Variants in NSL1 observed in about 807,000 individuals in gnomAD.
NSL1 encodes the protein kinetochore-associated protein NSL1 homolog.
NSL1 carries 11 observed loss-of-function variants against 25.4 expected under a neutral mutation model. The observed-to-expected ratio is 0.43, with a 90% confidence interval of 0.27 to 0.72. The LOEUF is 0.72. NSL1 is among the 30% of genes least tolerant of loss of function. NSL1 has a pLI of 0.19. For missense variants in NSL1, 330 were observed against 342.7 expected, an observed-to-expected ratio of 0.96 and a Z score of 0.29; for synonymous variants, 118 against 120.6, an observed-to-expected ratio of 0.98 and a Z score of 0.14.
intron 1 of NSL1, 127 bp downstream of exon 1, chr1:212,791,403 T>G: frequency 1.2e-6 from 1 of 829,906 alleles, no homozygotes; most frequent in Non-Finnish European, 2.0e-6. Context: ...TTTCTCGAAC[T>G]GGTTCTACAG....
Position 212,738,219 on chromosome 1 carries a change from A to G in NSL1, c.*189T>C. ...CTTTTTAAAATGCTTTTTATTTACAATAGATAAAACAGTAAGGAAATACAA... is the reference window on the plus strand; with the variant it reads ...CTTTTTAAAATGCTTTTTATTTACAGTAGATAAAACAGTAAGGAAATACAA... On this transcript the variant is annotated 3_prime_UTR_variant, in exon 6 of 6. Transcript: ENST00000366977. 1 of 1,333,388 alleles carries G rather than the reference A, an allele frequency of 7.5e-7. No homozygotes were observed. The highest frequency in any genetic ancestry group is 9.6e-7 in the Non-Finnish European group (1 of 1,045,132). The allele number at this position is 1,333,388 out of a possible 1,614,324, so 82.6% of individuals were successfully genotyped here.
chr1:212,750,501 A>G (rs940728221), intron 4 of NSL1, among the ~76,000 whole-genome samples: 4 of 152,180 alleles, frequency 2.6e-5, no homozygotes, highest in Non-Finnish European at 5.9e-5. Flanking sequence ...GCCAGTCCAG[A>G]CTGGAATAGG....
At chr1:212,748,840 C>T (rs550213853) in intron 4 of NSL1, among the ~76,000 whole-genome samples, 4 of 152,222 alleles carry the variant, frequency 2.6e-5, no homozygotes, top group Admixed American at 1.3e-4. Flanking sequence ...TCTTCAACCT[C>T]AATATATTTT....
chr1:212,779,917 C>A (rs1398660250), intron 4 of NSL1, among the ~76,000 whole-genome samples: 2 of 147,582 alleles, frequency 1.4e-5, no homozygotes, highest in East Asian at 2.1e-4. Context: ...CCACCCAGTC[C>A]GGGAGGTGAG....
intron 4 of NSL1, among the ~76,000 whole-genome samples, chr1:212,753,959 A>G (rs78572574): frequency 0.023 from 3,459 of 152,276 alleles, 61 homozygotes; most frequent in South Asian, 0.042. Flanking sequence ...AAACTTGGGC[A>G]AGGGGGCATG....
At chr1:212,738,872 C>T (rs1658364175) in intron 5 of NSL1, among the ~76,000 whole-genome samples, 186 bp from the exon 6 acceptor site, 1 of 152,068 alleles carries the variant, frequency 6.6e-6, no homozygotes. Flanking sequence ...AAGCAATTCA[C>T]CTGCCTCAGC....
chr1:212,770,355 T>C lies in NSL1; in HGVS notation c.499+12017A>G, dbSNP rs1660045166. 2.6e-5 allele frequency among the ~76,000 whole-genome samples: 4 copies of C among 151,828 alleles called. No homozygotes were observed. The South Asian group carries it at 8.3e-4, about 32-fold the overall frequency. On this transcript the variant is annotated intron_variant, in intron 4 of 5. Coordinates refer to ENST00000366977, the MANE Select transcript of NSL1 (RefSeq NM_015471.4). ...GGCATTATAACTGATACCACAGAAA[T>C]ATAAATGATCATCAGAGACTATTAA...
intron 4 of NSL1, among the ~76,000 whole-genome samples, chr1:212,774,151 T>C (rs868348880): frequency 6.6e-6 from 1 of 151,912 alleles, no homozygotes; most frequent in Non-Finnish European, 1.5e-5. Context: ...TACAGTTAGA[T>C]AGAAGAATAA....
intron 3 of NSL1, among the ~76,000 whole-genome samples, chr1:212,782,847 C>G (rs1660784472): frequency 6.6e-6 from 1 of 150,814 alleles, no homozygotes; most frequent in South Asian, 2.1e-4. Flanking sequence ...GGCTACATTA[C>G]CACCACACTA....
In NSL1 at chr1:212,729,234, T is replaced by A; in HGVS notation, c.*9174A>T. On this transcript the variant is annotated 3_prime_UTR_variant, in exon 6 of 6. Transcript: ENST00000366977. ...CTCAGGTTCCCTCTAGGAGCAGAAG[T>A]GCAGGTTTGCTTGGGCTCCTAGCCT... 4.1e-6 allele frequency: 4 copies of A among 985,454 alleles called. No individual in the cohort carries two copies. The highest frequency in any genetic ancestry group is 4.8e-6 in the Non-Finnish European group (4 of 829,944). 61.0% of individuals were successfully genotyped at this position (985,454 alleles called of 1,614,324 possible).
At chr1:212,779,011 C>G (rs981243099) in intron 4 of NSL1, among the ~76,000 whole-genome samples, 3 of 150,048 alleles carry the variant, frequency 2.0e-5, no homozygotes, top group African/African-American at 7.4e-5. Context: ...TCTGCCCGGC[C>G]GCCCATCGTC....
chr1:212,789,963 T>C (rs1268579630), intron 1 of NSL1, among the ~76,000 whole-genome samples: 2 of 152,132 alleles, frequency 1.3e-5, no homozygotes, highest in Non-Finnish European at 2.9e-5. Flanking sequence ...AGTCACTATA[T>C]ACAAAACTAC....
At chr1:212,777,338 C>T (rs1225952452) in intron 4 of NSL1, among the ~76,000 whole-genome samples, 1 of 151,918 alleles carries the variant, frequency 6.6e-6, no homozygotes. Context: ...GATCATACCA[C>T]TGCAGTTCAG....
chr1:212,741,377 C>A (rs1384958498), intron 4 of NSL1, among the ~76,000 whole-genome samples: 1 of 152,124 alleles, frequency 6.6e-6, no homozygotes, highest in Non-Finnish European at 1.5e-5. Context: ...GGATCTGTGT[C>A]CCCACCCAAT....
intron 4 of NSL1, among the ~76,000 whole-genome samples, chr1:212,769,156 G>C (rs573607738): frequency 5.0e-4 from 76 of 152,074 alleles, no homozygotes; most frequent in Non-Finnish European, 8.1e-4. Flanking sequence ...TTTGGGTGTT[G>C]TAGAGGGAGA....
intron 4 of NSL1, among the ~76,000 whole-genome samples, chr1:212,745,175 T>TATGC (rs1658717404): frequency 3.2e-5 from 1 of 31,362 alleles, no homozygotes; most frequent in African/African-American, 1.0e-4. Flanking sequence ...TATATATATA[T>TATGC]ATATATATAT....
chr1:212,738,206 C>T lies in NSL1; in HGVS notation c.*202G>A. ...CTTTGTGTCAATACTTTTTAAAATG[C>T]TTTTTATTTACAATAGATAAAACAG... is the stretch of plus-strand genomic sequence containing the variant. On this transcript the variant is annotated 3_prime_UTR_variant, in exon 6 of 6. Transcript: ENST00000366977. The T allele has an allele frequency of 7.7e-7, 1 of 1,306,272 alleles. No individual in the cohort carries two copies. The highest frequency in any genetic ancestry group is 9.7e-7 in the Non-Finnish European group (1 of 1,030,662). The allele number at this position is 1,306,272 out of a possible 1,614,324, so 80.9% of individuals were successfully genotyped here.
intron 4 of NSL1, among the ~76,000 whole-genome samples, chr1:212,748,144 G>C (rs1455404980): frequency 6.6e-6 from 1 of 152,026 alleles, no homozygotes; most frequent in South Asian, 2.1e-4. Context: ...TCTTCTTGCA[G>C]TTTCAAATAT....
chr1:212,733,216 T>A lies in NSL1; in HGVS notation c.*5192A>T, dbSNP rs953625934. On this transcript the variant is annotated 3_prime_UTR_variant, in exon 6 of 6. Coordinates refer to ENST00000366977, the MANE Select transcript of NSL1 (RefSeq NM_015471.4). The stretch of plus-strand genomic sequence containing the variant: ...ACTTTGGGAGGCAGAGGTGGGCGGA[T>A]CGCTTGAGCTCACGAGTTTGAGACC... Among the ~76,000 whole-genome samples the A allele has an allele frequency of 2.0e-5, 3 of 152,066 alleles. No individual in the cohort carries two copies. Among genetic ancestry groups the A allele is most frequent in the Non-Finnish European group, 4.4e-5 (3 of 68,008 alleles).
Sources: gnomAD v4.1 joint callset for allele counts (sites outside exome capture counted in the v4.1 genomes callset) on GRCh38, gnomAD v4.1.1 for gene constraint, MANE v1.5 for transcripts, NCBI Gene and HGNC (gene_info 2026-07-23, HGNC 2026-07-21) for gene names.